Variants in DNER observed in about 807,000 individuals in gnomAD.
DNER encodes the protein delta and Notch-like epidermal growth factor-related receptor.
Under a neutral mutation model 78.2 loss-of-function variants are expected in DNER, and 33 were observed. The observed-to-expected ratio is 0.42, with a 90% CI of 0.32 to 0.56. The LOEUF (loss-of-function observed/expected upper bound fraction) is 0.56. Ranked by LOEUF, DNER falls within the 20% of genes least tolerant of loss-of-function variation. The pLI, the probability that DNER is intolerant of heterozygous loss-of-function variation, is 0.11. For missense variants in DNER, 918 were observed against 975.3 expected, an observed-to-expected ratio of 0.94 and a Z score of 0.78; for synonymous variants, 417 against 384.8, an observed-to-expected ratio of 1.08 and a Z score of -0.98.
intron 11 of DNER, among the ~76,000 whole-genome samples, chr2:229,367,979 CACAG>C (rs1692389206): frequency 6.6e-6 from 1 of 152,170 alleles, no homozygotes; most frequent in Non-Finnish European, 1.5e-5. Context: ...CAGAAAATCA[CACAG>C]ACAACCATGT....
intron 4 of DNER, among the ~76,000 whole-genome samples, chr2:229,575,544 G>T (rs898141377): frequency 6.6e-6 from 1 of 152,142 alleles, no homozygotes; most frequent in Non-Finnish European, 1.5e-5. Context: ...AGGTCCATTG[G>T]GGGGACCAGG....
At chr2:229,459,116 C>A (rs992570482) in intron 7 of DNER, among the ~76,000 whole-genome samples, 4 of 151,738 alleles carry the variant, frequency 2.6e-5, no homozygotes, top group African/African-American at 4.8e-5. Flanking sequence ...TTAAAAATAC[C>A]CAAATAAATG....
At chr2:229,440,530 T>A (rs1401021874) in intron 8 of DNER, among the ~76,000 whole-genome samples, 1 of 152,148 alleles carries the variant, frequency 6.6e-6, no homozygotes, top group Admixed American at 6.5e-5. Context: ...CTCTTCCAAT[T>A]TTTTCCCCTT....
intron 8 of DNER, among the ~76,000 whole-genome samples, chr2:229,438,945 GAGCT>G (rs1261426758): frequency 6.6e-6 from 1 of 152,164 alleles, no homozygotes; most frequent in African/African-American, 2.4e-5. Context: ...TATTTACTCT[GAGCT>G]AACAGAGGCT....
chr2:229,523,836 C>T (rs558791190), intron 5 of DNER, among the ~76,000 whole-genome samples: 32 of 152,352 alleles, frequency 2.1e-4, no homozygotes, highest in African/African-American at 7.7e-4. Flanking sequence ...AAGAGGTTAG[C>T]ATTGCATGTG....
Position 229,531,914 on chromosome 2 carries a change from A to G in DNER, c.993+15033T>C, listed in dbSNP as rs181873458. Among the ~76,000 whole-genome samples the G allele has an allele frequency of 6.6e-5, 10 of 152,342 alleles. No homozygotes were observed. The East Asian group carries it at 1.9e-3, about 29-fold the overall frequency. ...AGAAGCAGACACAAAAGGTCCATTCAATATGATTCCATTTATATGAAATGT... is the reference window on the plus strand; with the variant it reads ...AGAAGCAGACACAAAAGGTCCATTCGATATGATTCCATTTATATGAAATGT... On this transcript the variant is annotated intron_variant, in intron 5 of 12. Transcript: ENST00000341772.
chr2:229,403,249 G>T (rs1693307167), intron 10 of DNER, among the ~76,000 whole-genome samples: 1 of 152,076 alleles, frequency 6.6e-6, no homozygotes, highest in South Asian at 2.1e-4. Context: ...AAGAGCAGAA[G>T]CACCATACTC....
chr2:229,576,643 G>T (rs1436615650), intron 4 of DNER, among the ~76,000 whole-genome samples: 1 of 152,162 alleles, frequency 6.6e-6, no homozygotes, highest in Non-Finnish European at 1.5e-5. Flanking sequence ...GCCAGAAAAG[G>T]TTTGTGGGGG....
At chr2:229,415,991 A>T (rs756286940) in intron 9 of DNER, among the ~76,000 whole-genome samples, 1 of 152,188 alleles carries the variant, frequency 6.6e-6, no homozygotes, top group Non-Finnish European at 1.5e-5. Context: ...TCCTTCATTA[A>T]TCCCATTACT....
chr2:229,391,370 T>C (rs968843709), intron 10 of DNER, among the ~76,000 whole-genome samples: 7 of 152,220 alleles, frequency 4.6e-5, no homozygotes, highest in East Asian at 1.9e-4. Flanking sequence ...CCTGAGCCAA[T>C]TGACCTTTTA....
At chr2:229,597,715 A>G (rs1463270999) in intron 1 of DNER, among the ~76,000 whole-genome samples, 1 of 152,274 alleles carries the variant, frequency 6.6e-6, no homozygotes, top group Non-Finnish European at 1.5e-5. Context: ...TCTTCTGCTT[A>G]CAGTGAACCA....
intron 11 of DNER, among the ~76,000 whole-genome samples, chr2:229,380,774 A>T (rs997730002): frequency 2.1e-4 from 32 of 151,906 alleles, no homozygotes; most frequent in African/African-American, 7.5e-4. Flanking sequence ...AAAATACAAA[A>T]ATTAGCCAGG....
intron 1 of DNER, among the ~76,000 whole-genome samples, chr2:229,712,756 C>T (rs1490009691): frequency 6.6e-6 from 1 of 152,214 alleles, no homozygotes; most frequent in East Asian, 1.9e-4. Flanking sequence ...CAAATCTACT[C>T]CTGAGGCTCA....
intron 1 of DNER, among the ~76,000 whole-genome samples, chr2:229,603,536 AAC>A (rs1697874309): frequency 6.6e-6 from 1 of 152,204 alleles, no homozygotes; most frequent in South Asian, 2.1e-4. Context: ...AAATTCCCCA[AAC>A]ACAATGTTTT....
intron 1 of DNER, among the ~76,000 whole-genome samples, chr2:229,644,135 T>C (rs1196761785): frequency 6.6e-6 from 1 of 152,150 alleles, no homozygotes; most frequent in African/African-American, 2.4e-5. Context: ...CACTACACTT[T>C]TATTAATTTT....
intron 8 of DNER, among the ~76,000 whole-genome samples, chr2:229,427,399 T>C (rs1693901570): frequency 6.6e-6 from 1 of 152,250 alleles, no homozygotes; most frequent in African/African-American, 2.4e-5. Flanking sequence ...ATGCCTGCTA[T>C]GTGTCAGGCA....
intron 5 of DNER, among the ~76,000 whole-genome samples, chr2:229,529,977 G>C (rs890788574): frequency 1.4e-4 from 22 of 152,006 alleles, no homozygotes; most frequent in African/African-American, 4.8e-4. Context: ...ATGCCAGCAT[G>C]GGTGACAGAG....
At chr2:229,641,268 A>G (rs79715911) in intron 1 of DNER, among the ~76,000 whole-genome samples, 4,148 of 152,306 alleles carry the variant, frequency 0.027, 95 homozygotes, top group Middle Eastern at 0.061. Flanking sequence ...GGACACAGCC[A>G]CAGTGAGGCT....
At chr2:229,523,252 C>T (rs1336566250) in intron 5 of DNER, among the ~76,000 whole-genome samples, 1 of 152,264 alleles carries the variant, frequency 6.6e-6, no homozygotes, top group African/African-American at 2.4e-5. Context: ...ATGCTAACAA[C>T]CCCATCGTGG....
Sources: allele counts gnomAD v4.1 joint callset (sites outside exome capture counted in the v4.1 genomes callset), GRCh38; gene constraint gnomAD v4.1.1; transcripts MANE v1.5; gene names NCBI Gene and HGNC (gene_info 2026-07-23, HGNC 2026-07-21).